The following AKAP6 variants were observed in gnomAD, a reference collection of about 807,000 sequenced individuals.
AKAP6 encodes A-kinase anchor protein 6.
AKAP6 carries 58 observed loss-of-function variants against 188.5 expected under a neutral mutation model. That is an observed-to-expected ratio of 0.31 (90% confidence interval 0.25 to 0.38). The LOEUF is 0.38. AKAP6 is among the 10% of genes least tolerant of loss of function. The pLI is 1.00. For missense variants in AKAP6, 2,710 were observed against 2,740.0 expected (o/e 0.99, Z 0.24); for synonymous variants, 989 against 998.6 (o/e 0.99, Z 0.18).
intron 3 of AKAP6, among the ~76,000 whole-genome samples, chr14:32,540,166 C>CTATATATA (rs1459842154): frequency 2.2e-4 from 19 of 87,406 alleles, no homozygotes; most frequent in African/African-American, 6.8e-4. Context: ...CTCTCTCTCT[C>CTATATATA]TCTATATATA....
chr14:32,420,909 T>TTTTGTGTG (rs1555327187), intron 1 of AKAP6, among the ~76,000 whole-genome samples: 4,238 of 146,516 alleles, frequency 0.029, 184 homozygotes, highest in African/African-American at 0.094. Context: ...GGAGATTGAT[T>TTTTGTGTG]TGTGTGTGTG....
At position 32,546,974 on chromosome 14, in the gene AKAP6, A is replaced by G. The variant is rs1423996686; in HGVS notation, c.2321A>G (p.Tyr774Cys). The change falls in exon 4 of 14, where the codon TAT becomes TGT. Residue 774 changes from tyrosine to cysteine, a missense_variant. Physicochemically the swap from Tyr to Cys is radical, Grantham distance 194. Transcript: ENST00000280979. ...CAAGATATTCAGCACCAAGACAACT[A>G]TGAAGCCATATGGGAAAAAATAGAG... ...LMQDIQHQDN[Y>C]EAIWEKIEGF... 1.3e-6 allele frequency: 2 copies of G among 1,599,040 alleles called. No homozygotes were observed. Among genetic ancestry groups the G allele is most frequent in the Non-Finnish European group, 1.7e-6 (2 of 1,177,496 alleles).
chr14:32,609,037 G>A (rs1433399416), intron 7 of AKAP6, among the ~76,000 whole-genome samples: 2 of 152,122 alleles, frequency 1.3e-5, no homozygotes, highest in Non-Finnish European at 2.9e-5. Flanking sequence ...GGAATGTGTT[G>A]TTTCTGGCAG....
chr14:32,496,470 G>T (rs971129643), intron 2 of AKAP6, among the ~76,000 whole-genome samples: 1 of 151,958 alleles, frequency 6.6e-6, no homozygotes, highest in Admixed American at 6.6e-5. Context: ...TTAGAAGGAT[G>T]TCTAAGGGGA....
intron 1 of AKAP6, among the ~76,000 whole-genome samples, chr14:32,375,659 G>A (rs534523291): frequency 6.6e-6 from 1 of 152,254 alleles, no homozygotes; most frequent in South Asian, 2.1e-4. Flanking sequence ...TTATTTGTCA[G>A]GTATGATAAG....
At chr14:32,389,427 T>C (rs530094446) in intron 1 of AKAP6, among the ~76,000 whole-genome samples, 4 of 152,186 alleles carry the variant, frequency 2.6e-5, no homozygotes, top group Non-Finnish European at 5.9e-5. Context: ...AGTTGTATTT[T>C]TGTTTTATAG....
At chr14:32,801,185 T>C (rs1014256074) in intron 12 of AKAP6, among the ~76,000 whole-genome samples, 1 of 152,206 alleles carries the variant, frequency 6.6e-6, no homozygotes, top group Admixed American at 6.5e-5. Flanking sequence ...TTAGTAACTA[T>C]GTTTATTCAT....
chr14:32,416,281 T>C (rs993417135), intron 1 of AKAP6, among the ~76,000 whole-genome samples: 4 of 152,222 alleles, frequency 2.6e-5, no homozygotes, highest in African/African-American at 9.6e-5. Flanking sequence ...GTTTTGATTT[T>C]CATTCTTCCC....
chr14:32,764,649 T>C (rs1251695485), intron 11 of AKAP6, among the ~76,000 whole-genome samples: 1 of 152,062 alleles, frequency 6.6e-6, no homozygotes, highest in Non-Finnish European at 1.5e-5. Flanking sequence ...ACTTAACCAC[T>C]CTGTGTCTCC....
intron 11 of AKAP6, among the ~76,000 whole-genome samples, chr14:32,742,997 G>T (rs564994399): frequency 7.6e-4 from 115 of 151,998 alleles, no homozygotes; most frequent in African/African-American, 2.7e-3. Context: ...ACTGTGTTGG[G>T]GCCTATGTCT....
At chr14:32,814,400 C>G (rs549619371) in intron 12 of AKAP6, among the ~76,000 whole-genome samples, 2 of 152,304 alleles carry the variant, frequency 1.3e-5, no homozygotes, top group South Asian at 4.1e-4. Context: ...GCAGTTGCAT[C>G]CCATTCCTTC....
At chr14:32,634,864 G>T (rs1233187300) in intron 7 of AKAP6, among the ~76,000 whole-genome samples, 1 of 151,728 alleles carries the variant, frequency 6.6e-6, no homozygotes, top group Non-Finnish European at 1.5e-5. Flanking sequence ...GCTTGTACTG[G>T]GATTAGTTTT....
At chr14:32,479,234 A>G (rs796867994) in intron 2 of AKAP6, among the ~76,000 whole-genome samples, 14 of 152,198 alleles carry the variant, frequency 9.2e-5, no homozygotes, top group African/African-American at 3.4e-4. Context: ...ACCACATATG[A>G]CTTACACCAA....
intron 5 of AKAP6, among the ~76,000 whole-genome samples, chr14:32,580,591 T>C (rs1050228598): frequency 2.6e-5 from 4 of 152,188 alleles, no homozygotes; most frequent in Non-Finnish European, 5.9e-5. Flanking sequence ...TTAGGGTACA[T>C]GTGCACAACG....
chr14:32,628,936 C>T (rs954288725), intron 7 of AKAP6, among the ~76,000 whole-genome samples: 3 of 151,970 alleles, frequency 2.0e-5, no homozygotes, highest in Non-Finnish European at 4.4e-5. Context: ...CTTTACCATT[C>T]GTGATTTATA....
Position 32,351,570 on chromosome 14 carries a change from A to AAC in AKAP6, c.-35+22163_-35+22164insCA, listed in dbSNP as rs569894319. Among the ~76,000 whole-genome samples the AAC allele has an allele frequency of 8.7e-4, 131 of 149,826 alleles. 1 individual carries two copies. The highest frequency in any genetic ancestry group is 1.6e-3 in the Non-Finnish European group (107 of 67,342). Reference sequence around the variant, plus strand: ...AGAGCAAGACTTCATCTCAAAAAAAAAAAAAACAAAAACATTATTACCTGC... The same window carrying AAC: ...AGAGCAAGACTTCATCTCAAAAAAAAACAAAAAACAAAAACATTATTACCTGC... On this transcript the variant is annotated intron_variant, in intron 1 of 13. Transcript: ENST00000280979.
intron 9 of AKAP6, among the ~76,000 whole-genome samples, chr14:32,711,432 G>A (rs1309116190): frequency 2.6e-5 from 4 of 151,944 alleles, no homozygotes; most frequent in African/African-American, 4.8e-5. Flanking sequence ...TTCATGTTTG[G>A]CCTTGAAACA....
intron 2 of AKAP6, among the ~76,000 whole-genome samples, chr14:32,505,660 A>G (rs1880834709): frequency 6.6e-6 from 1 of 152,138 alleles, no homozygotes. Context: ...TGTGTAAAGT[A>G]TTATGTTACA....
intron 5 of AKAP6, among the ~76,000 whole-genome samples, chr14:32,581,813 C>G (rs1214555298): frequency 1.3e-5 from 2 of 151,834 alleles, no homozygotes; most frequent in African/African-American, 2.4e-5. Context: ...ACTAGGATTG[C>G]AATCCCTGCC....
Sources: gnomAD v4.1 joint callset for allele counts (sites outside exome capture counted in the v4.1 genomes callset) on GRCh38, gnomAD v4.1.1 for gene constraint, MANE v1.5 for transcripts, NCBI Gene and HGNC (gene_info 2026-07-23, HGNC 2026-07-21) for gene names.